Variants in ABHD2 observed in about 807,000 individuals in gnomAD.
ABHD2 encodes abhydrolase domain containing 2, acylglycerol lipase, also known as monoacylglycerol lipase ABHD2.
In ABHD2, 20 loss-of-function variants were observed where a neutral mutation model predicts 48.1. That is an observed-to-expected ratio of 0.42 (90% CI 0.29 to 0.60). The LOEUF is 0.60. ABHD2 is among the 20% of genes least tolerant of loss of function. ABHD2 has a pLI of 0.24. For synonymous variants in ABHD2, 209 were observed against 214.2 expected (o/e 0.98, Z 0.21); for missense variants, 405 against 550.9 (o/e 0.74, Z 2.65).
At chr15:89,074,360 A>G in the ABHD2 span, among the ~76,000 whole-genome samples, 3 of 151,536 alleles carry the variant, frequency 2.0e-5, no homozygotes, top group Admixed American at 1.3e-4. Context: ...GGGGGGCAAG[A>G]GCGAAACTCC....
the ABHD2 span, among the ~76,000 whole-genome samples, chr15:89,078,896 A>G: frequency 6.6e-6 from 1 of 151,968 alleles, no homozygotes; most frequent in Non-Finnish European, 1.5e-5. Context: ...AAGCCTGGCT[A>G]ATTTTTTGTA....
the ABHD2 span, among the ~76,000 whole-genome samples, chr15:89,077,870 T>G: frequency 2.0e-5 from 3 of 152,208 alleles, no homozygotes; most frequent in Non-Finnish European, 4.4e-5. Flanking sequence ...TATCTTGTAC[T>G]GTGGACAGCT....
chr15:89,183,615 G>A (rs535539620), intron 6 of ABHD2, among the ~76,000 whole-genome samples: 1 of 151,748 alleles, frequency 6.6e-6, no homozygotes, highest in South Asian at 2.1e-4. Context: ...ATCCCTCCCT[G>A]AGCCCTGGGT....
intron 10 of ABHD2, among the ~76,000 whole-genome samples, chr15:89,194,974 C>T (rs1171119250): frequency 1.3e-5 from 2 of 152,212 alleles, no homozygotes; most frequent in African/African-American, 4.8e-5. Context: ...GTTTGAGAAC[C>T]CTTTAGAGTT....
chr15:89,088,847 C>G lies in ABHD2; in HGVS notation c.-107+284C>G, dbSNP rs951826100. ...GGACAACCCCGACCGCGGCCTTTCC[C>G]CCATTGGTGCTCACTCCTGGGTCTT... On this transcript the variant is annotated intron_variant, in intron 1 of 10. Transcript: ENST00000352732. This position sits in a 1 kb window ranked among gnomAD's most constrained non-coding sequence, Gnocchi z 6.8. Among the ~76,000 whole-genome samples, 2 of 152,216 alleles carry G rather than the reference C, an allele frequency of 1.3e-5. No individual in the cohort carries two copies. The highest frequency in any genetic ancestry group is 2.9e-5 in the Non-Finnish European group (2 of 68,028).
intron 3 of ABHD2, among the ~76,000 whole-genome samples, chr15:89,119,483 A>G (rs1017197616): frequency 6.6e-6 from 1 of 152,206 alleles, no homozygotes; most frequent in African/African-American, 2.4e-5. Flanking sequence ...TGCATTTGAA[A>G]TTTGTTGAGT....
chr15:89,132,696 A>G (rs970899004), intron 3 of ABHD2, among the ~76,000 whole-genome samples: 5 of 152,196 alleles, frequency 3.3e-5, no homozygotes, highest in Non-Finnish European at 1.5e-5. Flanking sequence ...TTCATTCCTA[A>G]TAATAAGCAG....
chr15:89,183,286 T>C (rs1437652842), intron 6 of ABHD2: 1 of 150,858 alleles, frequency 6.6e-6, no homozygotes, highest in African/African-American at 2.4e-5. Flanking sequence ...GATTTGTCTA[T>C]GTTTCTTTTA....
chr15:89,147,002 T>C (rs1185804163), intron 3 of ABHD2, among the ~76,000 whole-genome samples: 1 of 152,244 alleles, frequency 6.6e-6, no homozygotes, highest in Non-Finnish European at 1.5e-5. Flanking sequence ...CAGCCTGCGC[T>C]ATCAACTATC....
Position 89,155,374 on chromosome 15 carries a change from C to G in ABHD2, c.378C>G (p.Ile126Met). Reference sequence around the variant, plus strand: ...TCTTTCTCTACGCTATAGATGATATCACCATGGTCATCTGCCCTGGAATTG... The same window carrying G: ...TCTTTCTCTACGCTATAGATGATATGACCATGGTCATCTGCCCTGGAATTG... ...PLAEHCVGDD[I>M]TMVICPGIAN... Residue 126 changes from isoleucine (I) to methionine (M), a missense_variant, in exon 5 of 11, where the codon ATC becomes ATG. By Grantham distance (10) the Ile-to-Met change is conservative. Transcript: ENST00000352732. This position sits in a 1 kb window ranked among gnomAD's most constrained non-coding sequence, Gnocchi z 4.9. 1 of 1,613,978 alleles carries G rather than the reference C, an allele frequency of 6.2e-7. No individual in the cohort carries two copies. Among genetic ancestry groups the G allele is most frequent in the Non-Finnish European group, 8.5e-7 (1 of 1,179,872 alleles).
In ABHD2 at chr15:89,173,532, C is replaced by T. The variant is rs1338077780; in HGVS notation, c.539-2280C>T. 2.6e-5 allele frequency among the ~76,000 whole-genome samples: 4 copies of T among 152,230 alleles called. No individual in the cohort carries two copies. In the East Asian group the frequency reaches 7.7e-4, roughly 29 times the overall value. On this transcript the variant is annotated intron_variant, in intron 5 of 10. Coordinates refer to ENST00000352732, the MANE Select transcript of ABHD2 (RefSeq NM_152924.5). The surrounding 1 kb of genome is among the most constrained non-coding windows in gnomAD (Gnocchi z 6.5). The stretch of plus-strand genomic sequence containing the variant: ...AGGTTGTAGTGAGCCAAGATTGTGC[C>T]ACTGCACTCCAGCCTGGGTGACAGA...
At position 89,175,506 on chromosome 15, in the gene ABHD2, G is replaced by A. The variant is rs564534960; in HGVS notation, c.539-306G>A. ...TTGATATCCATGATTATCTAGACACGGTTCTTGTGACCTACCTTTTAAGAA... is the reference window on the plus strand; with the variant it reads ...TTGATATCCATGATTATCTAGACACAGTTCTTGTGACCTACCTTTTAAGAA... On this transcript the variant is annotated intron_variant, in intron 5 of 10. Coordinates refer to ENST00000352732, the MANE Select transcript of ABHD2 (RefSeq NM_152924.5). The surrounding 1 kb of genome is among the most constrained non-coding windows in gnomAD (Gnocchi z 5.7). Among the ~76,000 whole-genome samples the A allele has an allele frequency of 1.4e-4, 21 of 152,226 alleles. No homozygotes were observed. The highest frequency in any genetic ancestry group is 4.1e-4 in the South Asian group (2 of 4,826).
chr15:89,193,470 T>C, intron 10 of ABHD2, 151 bp downstream of exon 10: 1 of 670,818 alleles, frequency 1.5e-6, no homozygotes, highest in Non-Finnish European at 2.6e-6. Context: ...TGTAGCCTGA[T>C]AGTCCTCGGG....
intron 5 of ABHD2, among the ~76,000 whole-genome samples, chr15:89,163,598 C>T (rs895734549): frequency 2.0e-5 from 3 of 152,198 alleles, no homozygotes; most frequent in African/African-American, 7.2e-5. Context: ...GATTCTTAAC[C>T]CTAACTTAAT....
chr15:89,096,676 G>A (rs184918540), intron 1 of ABHD2, among the ~76,000 whole-genome samples: 8 of 152,230 alleles, frequency 5.3e-5, no homozygotes, highest in African/African-American at 1.4e-4. Context: ...CTGTCTGTTC[G>A]GACCCTGAAA....
At chr15:89,162,448 T>C (rs964377060) in intron 5 of ABHD2, among the ~76,000 whole-genome samples, 18 of 152,188 alleles carry the variant, frequency 1.2e-4, no homozygotes, top group Non-Finnish European at 1.6e-4. Flanking sequence ...GGATGTGACA[T>C]TGGAGGAGCT....
At position 89,118,029 on chromosome 15, in the gene ABHD2, T is replaced by G. The variant is rs12593410; in HGVS notation, c.194+1508T>G. Reference sequence around the variant, plus strand: ...CTGCCCCTGCTGAGGGGACTTTTTATTACAGTAGCCTCCACAGCCAGGCAC... The same window carrying G: ...CTGCCCCTGCTGAGGGGACTTTTTAGTACAGTAGCCTCCACAGCCAGGCAC... On this transcript the variant is annotated intron_variant, in intron 3 of 10. Coordinates refer to ENST00000352732, the MANE Select transcript of ABHD2 (RefSeq NM_152924.5). Among the ~76,000 whole-genome samples the G allele has an allele frequency of 2.0e-3, 302 of 152,290 alleles. 2 individuals are homozygous for G. The highest frequency in any genetic ancestry group is 0.015 in the East Asian group (79 of 5,190).
At position 89,186,344 on chromosome 15, in the gene ABHD2, C is replaced by T. The variant is rs1228788304; in HGVS notation, c.815+828C>T. On this transcript the variant is annotated intron_variant, in intron 7 of 10. Transcript: ENST00000352732. The surrounding 1 kb of genome is among the most constrained non-coding windows in gnomAD (Gnocchi z 4.3). ...AAGTGCTTAGAGCAGTGCTGTTATG[C>T]ATAGCACCAGATAAATATTAGCAAT... Among the ~76,000 whole-genome samples, 1 of 152,196 alleles carries T rather than the reference C, an allele frequency of 6.6e-6. No homozygotes were observed. The highest frequency in any genetic ancestry group is 1.9e-4 in the East Asian group (1 of 5,196).
the ABHD2 span, among the ~76,000 whole-genome samples, chr15:89,060,572 A>G: frequency 1.4e-5 from 2 of 145,796 alleles, no homozygotes; most frequent in East Asian, 4.2e-4. Flanking sequence ...AACATAGGTC[A>G]CATTCTCAAT....
Sources: allele counts gnomAD v4.1 joint callset (sites outside exome capture counted in the v4.1 genomes callset), GRCh38; gene constraint gnomAD v4.1.1; non-coding constraint Gnocchi (gnomAD v3.1); transcripts MANE v1.5; gene names NCBI Gene and HGNC (gene_info 2026-07-23, HGNC 2026-07-21).